Variants in ARSG observed in about 807,000 individuals in gnomAD.
ARSG encodes ASG.
ARSG carries 37 observed loss-of-function variants against 50.5 expected under a neutral mutation model. The ratio of observed to expected loss-of-function variants is 0.73; its 90% CI spans 0.56 to 0.96. The LOEUF (loss-of-function observed/expected upper bound fraction) is 0.96, where lower values mean the gene tolerates loss of function less well. Ranked by LOEUF, ARSG falls within the 50% of genes least tolerant of loss-of-function variation. The pLI, the probability that ARSG is intolerant of heterozygous loss-of-function variation, is 0.00. For synonymous variants in ARSG, 225 were observed against 254.6 expected, an observed-to-expected ratio of 0.88 and a Z score of 1.11; for missense variants, 629 against 675.3, an observed-to-expected ratio of 0.93 and a Z score of 0.76.
At chr17:68,310,239 C>G (rs1177563408) in intron 2 of ARSG, among the ~76,000 whole-genome samples, 1 of 152,070 alleles carries the variant, frequency 6.6e-6, no homozygotes, top group Non-Finnish European at 1.5e-5. Context: ...GGATTACAAG[C>G]GTGAGCCACC....
chr17:68,316,584 C>G (rs2077078386), intron 2 of ARSG, among the ~76,000 whole-genome samples: 1 of 152,222 alleles, frequency 6.6e-6, no homozygotes, highest in African/African-American at 2.4e-5. Context: ...TGGTCTGTTA[C>G]TTGCTAGCTC....
chr17:68,376,280 T>TTG lies in ARSG; in HGVS notation c.982+5757_982+5758insGT, dbSNP rs1249336380. ...AGTGTGCCACTGCGCCCCCTGCATT[T>TTG]TTTTTTTTTTTTCTGAGATAGGGTC... On this transcript the variant is annotated intron_variant, in intron 8 of 11. Transcript: ENST00000621439. Among the ~76,000 whole-genome samples the TTG allele has an allele frequency of 8.8e-5, 13 of 148,198 alleles. 1 individual carries two copies. In the East Asian group the frequency reaches 2.4e-3, roughly 27 times the overall value.
chr17:68,311,392 C>T (rs2076847156), intron 2 of ARSG, among the ~76,000 whole-genome samples: 1 of 152,186 alleles, frequency 6.6e-6, no homozygotes, highest in African/African-American at 2.4e-5. Context: ...TTGCTGCTTT[C>T]TGTGGTGGCT....
chr17:68,330,026 A>G (rs993146954), intron 2 of ARSG, among the ~76,000 whole-genome samples: 3 of 151,940 alleles, frequency 2.0e-5, no homozygotes, highest in Non-Finnish European at 4.4e-5. Flanking sequence ...CCTGGCTAAC[A>G]TGGTGAAACC....
At chr17:68,403,460 G>T (rs1000957528) in intron 11 of ARSG, among the ~76,000 whole-genome samples, 2 of 152,204 alleles carry the variant, frequency 1.3e-5, no homozygotes, top group African/African-American at 4.8e-5. Flanking sequence ...AGTGAAAACT[G>T]GGAATAGGAT....
chr17:68,417,794 C>T (rs1025713995), intron 11 of ARSG, among the ~76,000 whole-genome samples: 4 of 112,300 alleles, frequency 3.6e-5, no homozygotes, highest in Non-Finnish European at 4.9e-5. Flanking sequence ...GTTGCCTGGG[C>T]TGGAGTGCAG....
intron 11 of ARSG, among the ~76,000 whole-genome samples, chr17:68,412,925 CT>C: frequency 6.6e-6 from 1 of 152,144 alleles, no homozygotes; most frequent in East Asian, 1.9e-4. Flanking sequence ...GCTCCTGAGG[CT>C]TCTGCATTCT....
intron 2 of ARSG, among the ~76,000 whole-genome samples, chr17:68,311,514 T>G (rs531317838): frequency 6.6e-6 from 1 of 152,306 alleles, no homozygotes; most frequent in South Asian, 2.1e-4. Flanking sequence ...GCAAATGTTA[T>G]TAATTAAGGC....
intron 6 of ARSG, among the ~76,000 whole-genome samples, chr17:68,357,654 C>T (rs774056634): frequency 8.5e-5 from 13 of 152,206 alleles, no homozygotes; most frequent in Non-Finnish European, 1.3e-4. Flanking sequence ...TACAAATTCC[C>T]GCATCTAGAA....
chr17:68,426,253 G>GGGGGT (rs1397110340), downstream of ARSG: 2 of 841,006 alleles, frequency 2.4e-6, no homozygotes, highest in Admixed American at 2.3e-5. Flanking sequence ...GGGGAGCGGG[G>GGGGGT]GCTCAAATAA....
intron 4 of ARSG, 31 bp from the exon 5 acceptor site, chr17:68,351,544 T>A (rs1222423132): frequency 7.7e-7 from 1 of 1,299,658 alleles, no homozygotes; most frequent in East Asian, 2.3e-5. Context: ...CGCAGCCACG[T>A]GGGGGTGCTA....
At chr17:68,388,922 CAAAAAAA>C (rs35105754) in intron 9 of ARSG, among the ~76,000 whole-genome samples, 2 of 108,050 alleles carry the variant, frequency 1.9e-5, no homozygotes, top group African/African-American at 3.5e-5. Context: ...GACTCTGTCT[CAAAAAAA>C]AAAAAAAAAA....
chr17:68,348,676 GCCTCCCA>G (rs1231239970), intron 4 of ARSG, among the ~76,000 whole-genome samples: 26 of 152,194 alleles, frequency 1.7e-4, no homozygotes, highest in African/African-American at 6.3e-4. Context: ...TCATGCCTCA[GCCTCCCA>G]AGTAGCTGGG....
At chr17:68,352,991 C>T (rs940521578) in intron 5 of ARSG, among the ~76,000 whole-genome samples, 1 of 152,064 alleles carries the variant, frequency 6.6e-6, no homozygotes, top group South Asian at 2.1e-4. Flanking sequence ...CTACAGTTGT[C>T]TGAGCCACTT....
intron 8 of ARSG, among the ~76,000 whole-genome samples, chr17:68,376,106 T>C (rs1368048220): frequency 6.6e-6 from 1 of 151,970 alleles, no homozygotes; most frequent in Non-Finnish European, 1.5e-5. Context: ...ATCCTTTAAT[T>C]AATTAATTAA....
chr17:68,426,118 G>A (rs749738363), downstream of ARSG: 8 of 1,612,380 alleles, frequency 5.0e-6, no homozygotes, highest in East Asian at 2.2e-5. Context: ...TGGTCCCGTC[G>A]CAAACTCATG....
At chr17:68,441,075 C>G in the ARSG span, 3 of 152,134 alleles carry the variant, frequency 2.0e-5, no homozygotes, top group Non-Finnish European at 4.4e-5. Flanking sequence ...CCTCAATATC[C>G]CATAAAAGGT....
In ARSG at chr17:68,420,353, C is replaced by T. The variant is rs1600216597; in HGVS notation, c.1468C>T (p.Leu490Phe). ...PEVRKVLADV[L>F]QDIANDNISS... Reference sequence around the variant, plus strand: ...GGTCAGAAAGGTTCTTGCAGACGTCCTCCAAGACATTGCCAACGACAACAT... The same window carrying T: ...GGTCAGAAAGGTTCTTGCAGACGTCTTCCAAGACATTGCCAACGACAACAT... The change falls in exon 12 of 12, where the codon CTC becomes TTC. Residue 490 changes from leucine (L) to phenylalanine (F), a missense_variant. Leu to Phe is a conservative substitution (Grantham distance 22, BLOSUM62 0). Transcript: ENST00000621439. The T allele has an allele frequency of 6.2e-7, 1 of 1,614,108 alleles. No individual in the cohort carries two copies. The highest frequency in any genetic ancestry group is 8.5e-7 in the Non-Finnish European group (1 of 1,180,022).
chr17:68,411,291 T>A (rs1483334965), intron 11 of ARSG, among the ~76,000 whole-genome samples: 1 of 152,248 alleles, frequency 6.6e-6, no homozygotes, highest in Non-Finnish European at 1.5e-5. Context: ...ACACACTGCT[T>A]TGAATGCATC....
Sources: allele counts gnomAD v4.1 joint callset (sites outside exome capture counted in the v4.1 genomes callset), GRCh38; gene constraint gnomAD v4.1.1; transcripts MANE v1.5; gene names NCBI Gene and HGNC (gene_info 2026-07-23, HGNC 2026-07-21).